The following GNAS variants were observed in gnomAD, a reference collection of about 807,000 sequenced individuals.
The protein encoded by GNAS is protein ALEX.
Under a neutral mutation model 54.5 loss-of-function variants are expected in GNAS, and 8 were observed. The ratio of observed to expected loss-of-function variants is 0.15; its 90% CI spans 0.09 to 0.26. The LOEUF is 0.26. GNAS is among the 10% of genes least tolerant of loss of function. The probability of loss-of-function intolerance (pLI) is 1.00; values close to 1 mark genes in which losing one functional copy is unlikely to be tolerated. For missense variants in GNAS, 170 were observed against 529.8 expected (o/e 0.32, Z 6.67); for synonymous variants, 204 against 191.4 (o/e 1.07, Z -0.54).
chr20:58,875,847 T>C (rs961444602), intron 1 of GNAS, among the ~76,000 whole-genome samples: 2 of 152,196 alleles, frequency 1.3e-5, no homozygotes, highest in African/African-American at 2.4e-5. Flanking sequence ...TTGAGTACTA[T>C]ACGGTTGCTT....
intron 1 of GNAS, among the ~76,000 whole-genome samples, chr20:58,883,265 T>C (rs184589992): frequency 1.3e-5 from 2 of 152,232 alleles, no homozygotes; most frequent in Admixed American, 1.3e-4. Flanking sequence ...GCAAGTCTGC[T>C]TTGTGTTCTT....
chr20:58,878,482 G>A (rs773331296), intron 1 of GNAS, among the ~76,000 whole-genome samples: 10 of 152,212 alleles, frequency 6.6e-5, no homozygotes, highest in Non-Finnish European at 1.3e-4. Flanking sequence ...CATTTAGCAA[G>A]AGGTTTAACA....
At chr20:58,896,689 A>G (rs1198351425) in intron 2 of GNAS, among the ~76,000 whole-genome samples, 1 of 152,150 alleles carries the variant, frequency 6.6e-6, no homozygotes, top group Non-Finnish European at 1.5e-5. Flanking sequence ...TTTCACTGGT[A>G]TGAGAGCATT....
upstream of GNAS, chr20:58,840,018 C>T (rs2085657772): frequency 1.4e-6 from 2 of 1,477,536 alleles, no homozygotes; most frequent in Non-Finnish European, 1.9e-6. This position sits in a 1 kb window ranked among gnomAD's most constrained non-coding sequence, Gnocchi z 6.0. Flanking sequence ...ATAGGGTGTA[C>T]CTTTCCCGGC....
chr20:58,854,069 C>T (rs2086308173), intron 1 of GNAS: 2 of 1,611,666 alleles, frequency 1.2e-6, no homozygotes, highest in Admixed American at 1.7e-5. Flanking sequence ...GCCTCACTCC[C>T]GCCGCGAACG....
chr20:58,841,724 G>C lies in GNAS; in HGVS notation c.43+838G>C. ...TTGGGGATGCCCCTACGGGCTACCA[G>C]GGTTGAACGCACAGGCATGGTCACG... On this transcript the variant is annotated intron_variant, in intron 1 of 12. Coordinates refer to the GNAS transcript ENST00000306090. This position sits in a 1 kb window ranked among gnomAD's most constrained non-coding sequence, Gnocchi z 5.0. 8.2e-7 allele frequency: 1 copy of C among 1,222,964 alleles called. No individual in the cohort carries two copies. The highest frequency in any genetic ancestry group is 1.0e-6 in the Non-Finnish European group (1 of 982,732). 75.8% of individuals were successfully genotyped at this position (1,222,964 alleles called of 1,614,324 possible). A position where few individuals can be genotyped will look rare whatever the true frequency, so the allele number is the denominator to read the frequency against.
intron 6 of GNAS, among the ~76,000 whole-genome samples, chr20:58,907,596 C>T (rs938498959): frequency 1.4e-4 from 22 of 152,136 alleles, no homozygotes; most frequent in Admixed American, 1.1e-3. Context: ...TGAATTTTGT[C>T]GGGTTTCGTT....
At chr20:58,900,913 A>G (rs990887116) in intron 3 of GNAS, among the ~76,000 whole-genome samples, 1 of 152,198 alleles carries the variant, frequency 6.6e-6, no homozygotes, top group Admixed American at 6.5e-5. Flanking sequence ...TCCCACACCT[A>G]TTCACATACG....
upstream of GNAS, chr20:58,889,299 C>T (rs1600932562): frequency 1.0e-5 from 10 of 989,510 alleles, no homozygotes; most frequent in Middle Eastern, 5.2e-4. Flanking sequence ...CGGCGCGGGG[C>T]GGCGGCGGGC....
intron 1 of GNAS, among the ~76,000 whole-genome samples, chr20:58,877,485 G>A (rs1005658789): frequency 6.6e-6 from 1 of 152,192 alleles, no homozygotes; most frequent in African/African-American, 2.4e-5. Flanking sequence ...TGAAAGCCTT[G>A]GAGGGGTTTC....
At chr20:58,889,439 G>T, upstream of GNAS, 3 of 839,142 alleles carry the variant, frequency 3.6e-6, no homozygotes, top group Non-Finnish European at 4.3e-6. Flanking sequence ...CAAGGCAGGG[G>T]CGCCCGGGCG....
intron 1 of GNAS, among the ~76,000 whole-genome samples, chr20:58,867,968 C>A (rs1434989747): frequency 4.0e-5 from 6 of 151,710 alleles, no homozygotes; most frequent in Admixed American, 2.0e-4. Context: ...ATCTCAGCCT[C>A]AGACTTAAGC....
Position 58,853,717 on chromosome 20 carries a change from TG to T in GNAS, c.43+12834del, listed in dbSNP as rs2086281980. 6.2e-7 allele frequency: 1 copy of T among 1,613,704 alleles called. No individual in the cohort carries two copies. Among genetic ancestry groups the T allele is most frequent in the African/African-American group, 1.3e-5 (1 of 74,926 alleles). On this transcript the variant is annotated intron_variant, in intron 1 of 12. Coordinates refer to the GNAS transcript ENST00000306090. The surrounding 1 kb of genome is among the most constrained non-coding windows in gnomAD (Gnocchi z 4.4). ...GCCTTCAGTGGTGCCAGACCAGGCCTGGGAGGATACAGCCCTCCACCAGAAG... is the reference window on the plus strand; with the variant it reads ...GCCTTCAGTGGTGCCAGACCAGGCCTGGAGGATACAGCCCTCCACCAGAAG...
In GNAS at chr20:58,868,531, T is replaced by A. The variant is rs2087212430; in HGVS notation, c.44-27081T>A. Among the ~76,000 whole-genome samples the A allele has an allele frequency of 2.1e-5, 3 of 144,864 alleles. No homozygotes were observed. The South Asian group carries it at 6.6e-4, about 32-fold the overall frequency. ...TTCAGATGTTAAGGCAGGCTCAAAG[T>A]GGGGCATCTGCTCGCCACAAGAAGG... is the stretch of plus-strand genomic sequence containing the variant. On this transcript the variant is annotated intron_variant, in intron 1 of 12. Coordinates refer to the GNAS transcript ENST00000306090.
At chr20:58,892,165 C>G in intron 1 of GNAS, 3 of 967,286 alleles carry the variant, frequency 3.1e-6, no homozygotes, top group Non-Finnish European at 3.7e-6. Context: ...CTCTTTCTCT[C>G]TTTCTCTCTT....
At chr20:58,874,299 T>G (rs1427211976) in intron 1 of GNAS, among the ~76,000 whole-genome samples, 1 of 152,254 alleles carries the variant, frequency 6.6e-6, no homozygotes, top group African/African-American at 2.4e-5. Context: ...TGCTGAGAAC[T>G]GCCTTTTGCC....
In GNAS at chr20:58,909,332, A is replaced by G. The variant is rs1288182702; in HGVS notation, c.586-18A>G. ...CGGTTGGCTTTGGTGAGATCCATTG[A>G]CCTCAATTTTGTTTCAGGACCTGCT... On this transcript the variant is annotated intron_variant, in intron 7 of 12. Transcript: ENST00000371085. The surrounding 1 kb of genome is among the most constrained non-coding windows in gnomAD (Gnocchi z 7.3). The G allele has an allele frequency of 3.1e-6, 5 of 1,608,420 alleles. No individual in the cohort carries two copies. Among genetic ancestry groups the G allele is most frequent in the Non-Finnish European group, 3.4e-6 (4 of 1,174,908 alleles).
chr20:58,877,372 T>TG (rs1197880327), intron 1 of GNAS, among the ~76,000 whole-genome samples: 1 of 152,154 alleles, frequency 6.6e-6, no homozygotes, highest in Non-Finnish European at 1.5e-5. Context: ...GTGAATAGGA[T>TG]GGCCCAAAGG....
At chr20:58,862,123 C>A (rs1345224061) in intron 1 of GNAS, among the ~76,000 whole-genome samples, 1 of 151,994 alleles carries the variant, frequency 6.6e-6, no homozygotes. Flanking sequence ...CATATAAGTA[C>A]CCCAAAACAT....
Sources: gnomAD v4.1 joint callset for allele counts (sites outside exome capture counted in the v4.1 genomes callset) on GRCh38, gnomAD v4.1.1 for gene constraint, Gnocchi (gnomAD v3.1) non-coding constraint, MANE v1.5 for transcripts, NCBI Gene and HGNC (gene_info 2026-07-23, HGNC 2026-07-21) for gene names.